USH1C: variants seen among roughly 807,000 people sequenced by gnomAD.
The protein encoded by USH1C is USH1 protein network component harmonin, also known as harmonin.
A neutral mutation model predicts 119.3 loss-of-function variants in USH1C; 90 were observed. The ratio of observed to expected loss-of-function variants is 0.75; its 90% CI spans 0.64 to 0.90. USH1C has a LOEUF of 0.90. Ranked by LOEUF, USH1C falls within the 40% of genes least tolerant of loss-of-function variation. The pLI, the probability that USH1C is intolerant of heterozygous loss-of-function variation, is 0.00. For missense variants in USH1C, 1,165 were observed against 1,167.7 expected (o/e 1.00, Z 0.03); for synonymous variants, 465 against 443.3 (o/e 1.05, Z -0.62).
intron 11 of USH1C, 63 bp downstream of exon 11, chr11:17,523,148 T>C (rs1850494268): frequency 6.2e-7 from 1 of 1,611,152 alleles, no homozygotes; most frequent in Non-Finnish European, 8.5e-7. Flanking sequence ...GTGGCAGAGA[T>C]CAAAGGTCAG....
intron 15 of USH1C, among the ~76,000 whole-genome samples, chr11:17,512,840 G>C (rs1849953704): frequency 6.6e-6 from 1 of 152,166 alleles, no homozygotes; most frequent in South Asian, 2.1e-4. Flanking sequence ...CTCACCATCA[G>C]GGTTCTAGAG....
chr11:17,530,019 T>G (rs1165642142), intron 4 of USH1C, among the ~76,000 whole-genome samples: 1 of 152,176 alleles, frequency 6.6e-6, no homozygotes, highest in Admixed American at 6.5e-5. Flanking sequence ...AAAGAAATAA[T>G]GAAGGGGCTG....
Position 17,509,786 on chromosome 11 carries a change from G to A in USH1C, c.1583C>T (p.Pro528Leu). 6.2e-7 allele frequency: 1 copy of A among 1,601,904 alleles called. No homozygotes were observed. Among genetic ancestry groups the A allele is most frequent in the East Asian group, 2.2e-5 (1 of 44,844 alleles). Residue 528 changes from proline to leucine, a missense_variant, in exon 18 of 27, where the codon CCC becomes CTC. By Grantham distance (98) the Pro-to-Leu change is moderately conservative. Transcript: ENST00000005226. Reference protein sequence around the residue: ...PPPSVSPLAPPLRRFAGGLHL... With the variant: ...PPPSVSPLAPLLRRFAGGLHL... ...CAGTCCGCCTGCGAAGCGTCTCAAGGGTGGGGCCAGGGGAGACACAGAAGG... is the reference window on the plus strand; with the variant it reads ...CAGTCCGCCTGCGAAGCGTCTCAAGAGTGGGGCCAGGGGAGACACAGAAGG...
chr11:17,544,301 G>A lies in USH1C; in HGVS notation c.7C>T (p.Arg3Ter), dbSNP rs876657624. The A allele has an allele frequency of 6.2e-7, 1 of 1,614,046 alleles. No homozygotes were observed. Among genetic ancestry groups the A allele is most frequent in the Non-Finnish European group, 8.5e-7 (1 of 1,179,966 alleles). The change falls in exon 1 of 27, where the codon CGA (arginine) becomes TGA (stop). Residue 3 changes from arginine to a stop codon, truncating the protein, a stop_gained. Coordinates refer to ENST00000005226, the MANE Select transcript of USH1C (RefSeq NM_153676.4). LOFTEE classifies it high-confidence loss of function. Reference sequence around the variant, plus strand: ...TGCCGGAATTCTCGGGCCACTTTTCGGTCCATGGCTGGGCCAGGTCCAGCT... The same window carrying A: ...TGCCGGAATTCTCGGGCCACTTTTCAGTCCATGGCTGGGCCAGGTCCAGCT... MD[R>*]KVAREFRHKV... is the part of the protein sequence containing the mutation.
chr11:17,526,999 G>C lies in USH1C; in HGVS notation c.521+17C>G, dbSNP rs373866753. ...GCCCACAGGGAAGAGTTGGCCTGCAGAGGAGGGGCCTCTCACCTTTTCACG... is the reference window on the plus strand; with the variant it reads ...GCCCACAGGGAAGAGTTGGCCTGCACAGGAGGGGCCTCTCACCTTTTCACG... On this transcript the variant is annotated intron_variant, in intron 6 of 26. Coordinates refer to ENST00000005226, the MANE Select transcript of USH1C (RefSeq NM_153676.4). 9.0e-6 allele frequency: 14 copies of C among 1,563,798 alleles called. No homozygotes were observed. The highest frequency in any genetic ancestry group is 1.0e-5 in the Non-Finnish European group (12 of 1,153,074).
At chr11:17,506,266 G>A (rs1849645496) in intron 18 of USH1C, among the ~76,000 whole-genome samples, 2 of 152,168 alleles carry the variant, frequency 1.3e-5, no homozygotes, top group African/African-American at 4.8e-5. Context: ...CAGTGGCCAT[G>A]GGTGCTATCC....
intron 18 of USH1C, among the ~76,000 whole-genome samples, chr11:17,507,198 A>G (rs1237321456): frequency 1.3e-5 from 2 of 152,136 alleles, no homozygotes; most frequent in Non-Finnish European, 2.9e-5. Flanking sequence ...GCATGCAGGG[A>G]GGAGGAGGGT....
intron 1 of USH1C, among the ~76,000 whole-genome samples, chr11:17,535,545 G>C (rs927180237): frequency 6.6e-6 from 1 of 152,142 alleles, no homozygotes; most frequent in African/African-American, 2.4e-5. Flanking sequence ...AATCCCATGA[G>C]GGGAAAGATG....
chr11:17,504,973 G>A (rs768217052), intron 19 of USH1C, among the ~76,000 whole-genome samples: 2 of 152,218 alleles, frequency 1.3e-5, no homozygotes, highest in African/African-American at 2.4e-5. Context: ...GGGAGCTGAC[G>A]GGACAGTTAA....
Position 17,496,807 on chromosome 11 carries a change from T to A in USH1C, c.2497A>T (p.Ile833Phe). ...QKAWNQGGDW[I>F]DLVVAVCPPK... The stretch of plus-strand genomic sequence containing the variant: ...GGGCAGACGGCAACCACAAGGTCGA[T>A]CCAGTCCTGTGGGGAGAAGCCGTGT... The change falls in exon 25 of 27, where the codon ATC becomes TTC. Residue 833 changes from isoleucine (I) to phenylalanine (F), a missense_variant. Transcript: ENST00000005226. The A allele has an allele frequency of 6.2e-7, 1 of 1,614,182 alleles. No individual in the cohort carries two copies. The highest frequency in any genetic ancestry group is 8.5e-7 in the Non-Finnish European group (1 of 1,179,996).
rs1311079705 is a variant in USH1C at position 17,494,037 on chromosome 11, G to A, written c.*295C>T. 4.1e-6 allele frequency: 2 copies of A among 490,666 alleles called. No homozygotes were observed. The highest frequency in any genetic ancestry group is 3.8e-5 in the East Asian group (1 of 26,640). The allele number at this position is 490,666 out of a possible 1,614,324, so 30.4% of individuals were successfully genotyped here. On this transcript the variant is annotated 3_prime_UTR_variant, in exon 27 of 27. Transcript: ENST00000005226. Reference sequence around the variant, plus strand: ...GGGGTCTTATTAGGGTTCAAGGAAGGAGTCCCCCAGAGCTGGGAGAGACCA... The same window carrying A: ...GGGGTCTTATTAGGGTTCAAGGAAGAAGTCCCCCAGAGCTGGGAGAGACCA...
chr11:17,518,695 G>C (rs146973086), intron 14 of USH1C, among the ~76,000 whole-genome samples: 1 of 152,190 alleles, frequency 6.6e-6, no homozygotes. Context: ...TTCTAGGTAA[G>C]AGATGCCCCA....
intron 1 of USH1C, 55 bp downstream of exon 1, chr11:17,544,217 C>G: frequency 1.2e-6 from 2 of 1,612,226 alleles, no homozygotes; most frequent in South Asian, 2.2e-5. Context: ...ACCCCCTACC[C>G]ACCGCGCCCA....
At chr11:17,525,731 G>A (rs1850639007) in intron 8 of USH1C, among the ~76,000 whole-genome samples, 1 of 152,244 alleles carries the variant, frequency 6.6e-6, no homozygotes, top group Non-Finnish European at 1.5e-5. Flanking sequence ...AGAGAGCTGT[G>A]ACAGAGATGA....
Position 17,516,301 on chromosome 11 carries a change from C to G in USH1C, c.1211-11G>C. On this transcript the variant is annotated splice_polypyrimidine_tract_variant and intron_variant, in intron 14 of 26. Transcript: ENST00000005226. ...AAAACCATCCAAAAGCTATAAGACACAGATAACAAAATGATGAGACACAGT... is the reference window on the plus strand; with the variant it reads ...AAAACCATCCAAAAGCTATAAGACAGAGATAACAAAATGATGAGACACAGT... 3 of 1,612,060 alleles carry G rather than the reference C, an allele frequency of 1.9e-6. No individual in the cohort carries two copies. The highest frequency in any genetic ancestry group is 1.1e-5 in the South Asian group (1 of 90,240).
At chr11:17,528,807 G>C (rs893139000) in intron 4 of USH1C, among the ~76,000 whole-genome samples, 8 of 152,222 alleles carry the variant, frequency 5.3e-5, no homozygotes, top group Non-Finnish European at 8.8e-5. Flanking sequence ...GCACTGGGGT[G>C]GGGGCCCACT....
chr11:17,512,863 G>T (rs1849955447), intron 15 of USH1C, among the ~76,000 whole-genome samples: 1 of 152,284 alleles, frequency 6.6e-6, no homozygotes. Context: ...TTTGGGGAGG[G>T]ACATGAAAGG....
rs1476390911 is a variant in USH1C, at chr11:17,537,118, T to G, written c.37-3796A>C. On this transcript the variant is annotated intron_variant, in intron 1 of 26. Coordinates refer to ENST00000005226, the MANE Select transcript of USH1C (RefSeq NM_153676.4). ...GAAAGATGGAAGTTTCTCTAAAGCC[T>G]GAACGTGCAGTAACAATACCACCAT... 1.3e-5 allele frequency among the ~76,000 whole-genome samples: 2 copies of G among 152,256 alleles called. 1 individual carries two copies. The highest frequency in any genetic ancestry group is 4.8e-5 in the African/African-American group (2 of 41,474).
intron 8 of USH1C, among the ~76,000 whole-genome samples, chr11:17,525,946 A>G (rs1447722289): frequency 6.6e-6 from 1 of 152,212 alleles, no homozygotes; most frequent in African/African-American, 2.4e-5. Flanking sequence ...CATGCCTCTA[A>G]TCCCAGGGCT....
Sources: allele counts gnomAD v4.1 joint callset (sites outside exome capture counted in the v4.1 genomes callset), GRCh38; gene constraint gnomAD v4.1.1; transcripts MANE v1.5; gene names NCBI Gene and HGNC (gene_info 2026-07-23, HGNC 2026-07-21).